Variants in SLC14A2 observed in about 807,000 individuals in gnomAD.
SLC14A2 encodes the protein urea transporter 2.
A neutral mutation model predicts 104.6 loss-of-function variants in SLC14A2; 91 were observed. The ratio of observed to expected loss-of-function variants is 0.87; its 90% CI spans 0.73 to 1.04. The LOEUF is 1.04. SLC14A2 is among the 50% of genes least tolerant of loss of function. SLC14A2 has a pLI of 0.00. For missense variants in SLC14A2, 1,189 were observed against 1,156.0 expected (o/e 1.03, Z -0.41); for synonymous variants, 476 against 466.4 (o/e 1.02, Z -0.27).
intron 2 of SLC14A2, among the ~76,000 whole-genome samples, chr18:45,625,375 G>A (rs575082247): frequency 1.4e-4 from 21 of 152,224 alleles, no homozygotes; most frequent in Non-Finnish European, 2.2e-4. Flanking sequence ...TTGGTTTGCC[G>A]TCCTATTTAT....
At chr18:45,185,017 A>G in the SLC14A2 span, among the ~76,000 whole-genome samples, 1 of 152,180 alleles carries the variant, frequency 6.6e-6, no homozygotes. Flanking sequence ...TTTATTGGAA[A>G]GTATAATTGA....
upstream of SLC14A2, among the ~76,000 whole-genome samples, chr18:45,210,585 G>T (rs186790246): frequency 6.6e-6 from 1 of 152,314 alleles, no homozygotes; most frequent in Non-Finnish European, 1.5e-5. Context: ...TTGAAAGAAA[G>T]TAAAGCTGAG....
At chr18:45,651,123 C>A (rs2045729674) in intron 10 of SLC14A2, among the ~76,000 whole-genome samples, 1 of 152,150 alleles carries the variant, frequency 6.6e-6, no homozygotes, top group Non-Finnish European at 1.5e-5. Flanking sequence ...GGCTTTGAAT[C>A]TGTTCAACTG....
chr18:45,339,544 A>AT (rs2085372385), intron 1 of SLC14A2, among the ~76,000 whole-genome samples: 1 of 152,150 alleles, frequency 6.6e-6, no homozygotes, highest in Admixed American at 6.6e-5. Context: ...TAGGGTATAG[A>AT]TTAAAATGAA....
At chr18:45,201,482 T>C in the SLC14A2 span, among the ~76,000 whole-genome samples, 1 of 152,146 alleles carries the variant, frequency 6.6e-6, no homozygotes, top group Non-Finnish European at 1.5e-5. Context: ...GTTTCAACTT[T>C]GGTCATTGGA....
At chr18:45,194,117 C>T in the SLC14A2 span, among the ~76,000 whole-genome samples, 1 of 152,180 alleles carries the variant, frequency 6.6e-6, no homozygotes, top group African/African-American at 2.4e-5. Flanking sequence ...ATTGGATTTT[C>T]TCCAGAAATG....
the SLC14A2 span, among the ~76,000 whole-genome samples, chr18:45,186,088 C>T: frequency 3.0e-4 from 45 of 152,136 alleles, no homozygotes; most frequent in Non-Finnish European, 5.0e-4. Context: ...ATAGAGATGC[C>T]AGCAGTCTTT....
At chr18:45,247,619 C>A (rs369211295) in intron 1 of SLC14A2, among the ~76,000 whole-genome samples, 1 of 152,006 alleles carries the variant, frequency 6.6e-6, no homozygotes, top group Non-Finnish European at 1.5e-5. Flanking sequence ...CATGCTCTAA[C>A]AGATCTCACC....
chr18:45,471,086 C>A (rs2087240024), intron 1 of SLC14A2, among the ~76,000 whole-genome samples: 2 of 152,080 alleles, frequency 1.3e-5, no homozygotes, highest in African/African-American at 4.8e-5. Context: ...TAAATTTCAG[C>A]CTCCAGTTTC....
At chr18:45,410,445 G>A (rs2086202830) in intron 1 of SLC14A2, among the ~76,000 whole-genome samples, 1 of 152,048 alleles carries the variant, frequency 6.6e-6, no homozygotes, top group Admixed American at 6.6e-5. Context: ...TACTAAATAT[G>A]CGTTACTGCC....
chr18:45,491,722 C>G (rs1393429207), intron 2 of SLC14A2, among the ~76,000 whole-genome samples: 1 of 152,142 alleles, frequency 6.6e-6, no homozygotes, highest in East Asian at 1.9e-4. Flanking sequence ...TACAGGAGAG[C>G]AGAGCTGACA....
rs144141756 is a variant in SLC14A2 at position 45,239,482 on chromosome 18, A to C, written c.-125+26291A>C. The stretch of plus-strand genomic sequence containing the variant: ...CCGGGCAGGATCCCTGAGGTGGCAC[A>C]CCTTGAGGGTGAGGAGGGCAAGCTA... On this transcript the variant is annotated intron_variant, in intron 1 of 20. Transcript: ENST00000586448. Among the ~76,000 whole-genome samples the C allele has an allele frequency of 6.7e-3, 1,014 of 152,350 alleles. 7 individuals are homozygous for C. The highest frequency in any genetic ancestry group is 0.011 in the Admixed American group (165 of 15,300).
the SLC14A2 span, among the ~76,000 whole-genome samples, chr18:45,207,556 G>C: frequency 6.6e-6 from 1 of 152,094 alleles, no homozygotes; most frequent in Admixed American, 6.6e-5. Flanking sequence ...ATCTAAGGTT[G>C]GAATCAGAAT....
chr18:45,668,229 G>T (rs1568002132), intron 14 of SLC14A2, 120 bp from the exon 15 acceptor site: 2 of 1,359,840 alleles, frequency 1.5e-6, no homozygotes, highest in South Asian at 1.4e-5. Flanking sequence ...ACTCCCAGAA[G>T]GGTGGTCTAT....
chr18:45,237,909 C>T (rs1034062125), intron 1 of SLC14A2, among the ~76,000 whole-genome samples: 19 of 152,298 alleles, frequency 1.2e-4, no homozygotes, highest in African/African-American at 4.6e-4. Context: ...TAGTTCTTTT[C>T]CCTTGAAGAT....
intron 2 of SLC14A2, among the ~76,000 whole-genome samples, chr18:45,595,997 T>A (rs2144400073): frequency 6.6e-6 from 1 of 152,140 alleles, no homozygotes. Context: ...TACTGCTGAG[T>A]GGTACGGACT....
At chr18:45,393,439 C>T (rs909094640) in intron 1 of SLC14A2, among the ~76,000 whole-genome samples, 2 of 152,150 alleles carry the variant, frequency 1.3e-5, no homozygotes, top group Non-Finnish European at 1.5e-5. Context: ...TCCTGGGAGA[C>T]ATGACACCTC....
intron 1 of SLC14A2, among the ~76,000 whole-genome samples, chr18:45,375,172 A>G (rs989534419): frequency 1.3e-5 from 2 of 152,224 alleles, no homozygotes; most frequent in African/African-American, 2.4e-5. Context: ...AACAAAGACA[A>G]TAACAGTCCT....
At chr18:45,411,183 G>C (rs2086211265) in intron 1 of SLC14A2, among the ~76,000 whole-genome samples, 1 of 152,112 alleles carries the variant, frequency 6.6e-6, no homozygotes, top group Non-Finnish European at 1.5e-5. Flanking sequence ...CAAACATTGA[G>C]AACTGACTCT....
Sources: gnomAD v4.1 joint callset for allele counts (sites outside exome capture counted in the v4.1 genomes callset) on GRCh38, gnomAD v4.1.1 for gene constraint, MANE v1.5 for transcripts, NCBI Gene and HGNC (gene_info 2026-07-23, HGNC 2026-07-21) for gene names.